The following HACE1 variants were observed in gnomAD, a reference collection of about 807,000 sequenced individuals.
HACE1 encodes E3 ubiquitin-protein ligase HACE1.
In HACE1, 73 loss-of-function variants were observed where a neutral mutation model predicts 118.4. That is an observed-to-expected ratio of 0.62 (90% confidence interval 0.51 to 0.75). HACE1 has a LOEUF of 0.75. HACE1 is among the 30% of genes least tolerant of loss of function. The probability of loss-of-function intolerance (pLI) is 0.00; values close to 1 mark genes in which losing one functional copy is unlikely to be tolerated. For synonymous variants in HACE1, 368 were observed against 374.8 expected (o/e 0.98, Z 0.21); for missense variants, 749 against 1,102.2 (o/e 0.68, Z 4.54).
intron 7 of HACE1, among the ~76,000 whole-genome samples, chr6:104,809,654 TC>T (rs1407711573): frequency 7.4e-6 from 1 of 135,528 alleles, no homozygotes; most frequent in Non-Finnish European, 1.6e-5. Flanking sequence ...AAGAGCAGAT[TC>T]TTTTTTTTTT....
Position 104,830,077 on chromosome 6 carries a change from C to A in HACE1, c.534+2965G>T, listed in dbSNP as rs188773126. ...ATAAATCTTTTTCTAATCTGAATCC[C>A]AGTATTTTCCTATCCAAGTTCCTGG... On this transcript the variant is annotated intron_variant, in intron 6 of 23. Transcript: ENST00000262903. Among the ~76,000 whole-genome samples the A allele has an allele frequency of 3.6e-4, 55 of 152,216 alleles. 1 individual carries two copies. Among genetic ancestry groups the A allele is most frequent in the Admixed American group, 3.2e-3 (49 of 15,284 alleles).
rs780671045 is a variant in HACE1 at position 104,854,008 on chromosome 6, C to G, written c.77-1637G>C. On this transcript the variant is annotated intron_variant, in intron 1 of 23. Coordinates refer to ENST00000262903, the MANE Select transcript of HACE1 (RefSeq NM_020771.4). ...AATAAAAGTTATGTGAATGTGGTCT[C>G]TCTCCCTCTCTCTCAAAATATTGTG... is the stretch of plus-strand genomic sequence containing the variant. Among the ~76,000 whole-genome samples, 42 of 152,200 alleles carry G rather than the reference C, an allele frequency of 2.8e-4. 1 individual carries two copies. Among genetic ancestry groups the G allele is most frequent in the Non-Finnish European group, 7.3e-5 (5 of 68,034 alleles).
intron 4 of HACE1, among the ~76,000 whole-genome samples, chr6:104,847,219 C>T (rs1207778852): frequency 6.6e-6 from 1 of 152,216 alleles, no homozygotes; most frequent in Non-Finnish European, 1.5e-5. Context: ...ACTGAAATGA[C>T]AGCAGAGTGT....
chr6:104,761,757 A>G (rs909905985), intron 19 of HACE1, among the ~76,000 whole-genome samples: 1 of 152,260 alleles, frequency 6.6e-6, no homozygotes, highest in Non-Finnish European at 1.5e-5. Flanking sequence ...CAGAGTGAAC[A>G]GGCAGCCTAC....
intron 9 of HACE1, 42 bp downstream of exon 9, chr6:104,796,613 T>TA: frequency 1.0e-6 from 1 of 980,638 alleles, no homozygotes; most frequent in Non-Finnish European, 1.6e-6. Flanking sequence ...TGAGCAGGAA[T>TA]AAAGCTTCTT....
intron 19 of HACE1, among the ~76,000 whole-genome samples, chr6:104,751,081 C>G (rs1289342855): frequency 6.6e-6 from 1 of 152,120 alleles, no homozygotes; most frequent in Non-Finnish European, 1.5e-5. Context: ...CCATTCTCCC[C>G]CTAGTTCATT....
At position 104,817,584 on chromosome 6, in the gene HACE1, GA is replaced by G. The variant is rs565002153; in HGVS notation, c.535-6192del. Among the ~76,000 whole-genome samples the G allele has an allele frequency of 1.5e-4, 23 of 152,248 alleles. No homozygotes were observed. The East Asian group carries it at 4.2e-3, about 28-fold the overall frequency. The stretch of plus-strand genomic sequence containing the variant: ...GGTAGTTCTTTATATCAGGTAAAAT[GA>G]ATTAATATAGAGGAGAAAGAAAGAT... On this transcript the variant is annotated intron_variant, in intron 6 of 23. Transcript: ENST00000262903.
At chr6:104,794,899 C>CA (rs113821694) in intron 10 of HACE1, among the ~76,000 whole-genome samples, 182 of 127,586 alleles carry the variant, frequency 1.4e-3, no homozygotes, top group East Asian at 2.2e-3. Context: ...GACTCTGTCT[C>CA]AAAAAAAAAA....
intron 19 of HACE1, among the ~76,000 whole-genome samples, chr6:104,761,743 T>C (rs900339315): frequency 1.3e-5 from 2 of 152,066 alleles, no homozygotes; most frequent in East Asian, 1.9e-4. Flanking sequence ...AAAGAAACTA[T>C]CATCAGAGTG....
intron 19 of HACE1, among the ~76,000 whole-genome samples, chr6:104,766,266 T>C (rs929139842): frequency 6.6e-6 from 1 of 152,098 alleles, no homozygotes; most frequent in Non-Finnish European, 1.5e-5. Flanking sequence ...AAAATATATA[T>C]GCAGCAGAAG....
intron 22 of HACE1, chr6:104,731,366 T>TAGTTTA (rs1775182940): frequency 6.6e-6 from 1 of 151,946 alleles, no homozygotes; most frequent in African/African-American, 2.4e-5. Flanking sequence ...ACATAAAGCA[T>TAGTTTA]AGTTTAGGTC....
chr6:104,804,302 C>T (rs375621587), intron 7 of HACE1, among the ~76,000 whole-genome samples: 1 of 152,142 alleles, frequency 6.6e-6, no homozygotes. Context: ...AGGTAATTTA[C>T]AGATTCAATG....
intron 10 of HACE1, among the ~76,000 whole-genome samples, chr6:104,792,334 C>T (rs1322139757): frequency 3.3e-5 from 5 of 152,154 alleles, no homozygotes; most frequent in Admixed American, 1.3e-4. Context: ...TTAACATAAA[C>T]TCACTTTTAC....
At chr6:104,782,654 A>T (rs1256118167) in intron 14 of HACE1, among the ~76,000 whole-genome samples, 2 of 152,196 alleles carry the variant, frequency 1.3e-5, no homozygotes, top group African/African-American at 4.8e-5. Context: ...AAATAAAATC[A>T]TTCATGGAAG....
chr6:104,849,377 C>T, intron 3 of HACE1, 131 bp from the exon 4 acceptor site: 3 of 709,094 alleles, frequency 4.2e-6, no homozygotes, highest in South Asian at 1.5e-5. Context: ...TGCTCTGTCG[C>T]CCATGCTGGA....
chr6:104,829,070 C>G (rs1773607006), intron 6 of HACE1, among the ~76,000 whole-genome samples: 1 of 151,652 alleles, frequency 6.6e-6, no homozygotes, highest in South Asian at 2.1e-4. Flanking sequence ...CTATTTTATT[C>G]TATAAAATAT....
At chr6:104,798,010 G>T (rs1210250739) in intron 7 of HACE1, among the ~76,000 whole-genome samples, 1 of 150,668 alleles carries the variant, frequency 6.6e-6, no homozygotes, top group African/African-American at 2.4e-5. Flanking sequence ...AGAAGTTGCA[G>T]TGAGCCAAGA....
intron 6 of HACE1, among the ~76,000 whole-genome samples, chr6:104,826,654 A>G (rs1488246007): frequency 6.6e-6 from 1 of 152,232 alleles, no homozygotes; most frequent in East Asian, 1.9e-4. Flanking sequence ...AAACACGTAA[A>G]AGCATGCCAA....
intron 1 of HACE1, chr6:104,858,510 G>T: frequency 2.5e-6 from 1 of 395,854 alleles, no homozygotes; most frequent in Non-Finnish European, 5.0e-6. Flanking sequence ...GACCAGCCTG[G>T]GGAACATAGT....
Sources: gnomAD v4.1 joint callset for allele counts (sites outside exome capture counted in the v4.1 genomes callset) on GRCh38, gnomAD v4.1.1 for gene constraint, MANE v1.5 for transcripts, NCBI Gene and HGNC (gene_info 2026-07-23, HGNC 2026-07-21) for gene names.